MED12L: variants seen among roughly 807,000 people sequenced by gnomAD.
MED12L encodes the protein mediator of RNA polymerase II transcription subunit 12-like protein.
A neutral mutation model predicts 281.3 loss-of-function variants in MED12L; 60 were observed. The ratio of observed to expected loss-of-function variants is 0.21; its 90% CI spans 0.17 to 0.26. The LOEUF (loss-of-function observed/expected upper bound fraction) is 0.26. Ranked by LOEUF, MED12L falls within the 10% of genes least tolerant of loss-of-function variation. MED12L has a pLI of 1.00. For synonymous variants in MED12L, 974 were observed against 987.2 expected (o/e 0.99, Z 0.25); for missense variants, 2,146 against 2,680.9 (o/e 0.80, Z 4.41).
At chr3:151,312,817 C>A (rs907264750) in intron 16 of MED12L, among the ~76,000 whole-genome samples, 8 of 152,162 alleles carry the variant, frequency 5.3e-5, no homozygotes, top group Non-Finnish European at 1.2e-4. Flanking sequence ...GCAGGTTACC[C>A]AACCCCTCTG....
intron 16 of MED12L, chr3:151,213,503 T>A (rs371105315): frequency 1.2e-6 from 2 of 1,614,166 alleles, no homozygotes; most frequent in South Asian, 2.2e-5. Flanking sequence ...TACCGCAAGA[T>A]TTCTTTTGAC....
At position 151,195,662 on chromosome 3, in the gene MED12L, T is replaced by G. The variant is rs189106889; in HGVS notation, c.2250+1996T>G. ...TGAAGAATTTATAGATGAGCTATCA[T>G]GATGTCTGGGATTTGTTTTTAAAAT... is the stretch of plus-strand genomic sequence containing the variant. On this transcript the variant is annotated intron_variant, in intron 16 of 44. Transcript: ENST00000687756. Among the ~76,000 whole-genome samples the G allele has an allele frequency of 2.5e-3, 385 of 152,336 alleles. 1 individual carries two copies. The highest frequency in any genetic ancestry group is 3.8e-3 in the Non-Finnish European group (257 of 68,022).
intron 6 of MED12L, 27 bp downstream of exon 6, chr3:151,156,357 G>A (rs774662281): frequency 6.4e-7 from 1 of 1,566,132 alleles, no homozygotes; most frequent in Non-Finnish European, 8.7e-7. Context: ...ATGCAGAGTT[G>A]TGTGCAATGC....
rs1338907745 is a variant in MED12L, at chr3:151,192,530, C to G, written c.1969-20C>G. On this transcript the variant is annotated intron_variant, in intron 14 of 44. Transcript: ENST00000687756. Reference sequence around the variant, plus strand: ...ACTCCAAAACTTACAATGTTACTTTCTTTCTCTGGCGATTATCAGGAACAG... The same window carrying G: ...ACTCCAAAACTTACAATGTTACTTTGTTTCTCTGGCGATTATCAGGAACAG... 6.0e-6 allele frequency: 9 copies of G among 1,488,510 alleles called. No homozygotes were observed. Among genetic ancestry groups the G allele is most frequent in the Admixed American group, 3.9e-5 (2 of 50,864 alleles). 92.2% of individuals were successfully genotyped at this position (1,488,510 alleles called of 1,614,324 possible). A position where few individuals can be genotyped will look rare whatever the true frequency, so the allele number is the denominator to read the frequency against.
Position 151,156,219 on chromosome 3 carries a change from T to C in MED12L, c.615T>C (p.Phe205=), listed in dbSNP as rs1188002275. Reference sequence around the variant, plus strand: ...AGCAGTTGGCCAAGATTTCTGACTTTTACCACATGGCCTCCAGCACGGGCG... The same window carrying C: ...AGCAGTTGGCCAAGATTTCTGACTTCTACCACATGGCCTCCAGCACGGGCG... ...LREQLAKISD[F]YHMASSTGDG... Residue 205 remains phenylalanine, a synonymous_variant, in exon 6 of 45, where the codon TTT becomes TTC. Coordinates refer to ENST00000687756, the MANE Select transcript of MED12L (RefSeq NM_001393769.1). The C allele has an allele frequency of 1.9e-6, 3 of 1,613,496 alleles. No individual in the cohort carries two copies. The highest frequency in any genetic ancestry group is 1.1e-5 in the South Asian group (1 of 90,904).
chr3:151,185,426 C>A lies in MED12L; in HGVS notation c.1591C>A (p.Leu531Ile), dbSNP rs1242342506. The A allele has an allele frequency of 5.0e-6, 8 of 1,613,984 alleles. No homozygotes were observed. Among genetic ancestry groups the A allele is most frequent in the Non-Finnish European group, 6.8e-6 (8 of 1,179,974 alleles). ...GKHRAMAVAK[L>I]LEKRQAEIEA... ...GCACAGGGCCATGGCTGTGGCAAAA[C>A]TCCTGGAGAAGAGGCAAGCAGAAAT... is the stretch of plus-strand genomic sequence containing the variant. Residue 531 changes from leucine (L) to isoleucine (I), a missense_variant, in exon 12 of 45, where the codon CTC becomes ATC. Physicochemically the swap from Leu to Ile is conservative, Grantham distance 5 (BLOSUM62 2). Around this residue, in one of 9 missense-constraint regions of MED12L, gnomAD observed 722 missense variants for 861.2 expected, o/e 0.84. Transcript: ENST00000687756.
intron 16 of MED12L, among the ~76,000 whole-genome samples, chr3:151,280,939 A>C (rs1742700509): frequency 6.6e-6 from 1 of 152,060 alleles, no homozygotes; most frequent in Non-Finnish European, 1.5e-5. Context: ...TGGACTTTGA[A>C]GTAGTCTTTA....
chr3:151,325,643 A>G (rs1577335187), intron 16 of MED12L, among the ~76,000 whole-genome samples: 1 of 152,216 alleles, frequency 6.6e-6, no homozygotes, highest in African/African-American at 2.4e-5. Context: ...TCTACAGATC[A>G]GGCACTCTGC....
intron 16 of MED12L, among the ~76,000 whole-genome samples, chr3:151,330,163 T>C (rs932015360): frequency 6.6e-6 from 1 of 152,206 alleles, no homozygotes; most frequent in Non-Finnish European, 1.5e-5. Flanking sequence ...GAAAATAGTA[T>C]CTAACACACT....
intron 16 of MED12L, among the ~76,000 whole-genome samples, chr3:151,252,086 A>G (rs997369296): frequency 1.3e-5 from 2 of 152,028 alleles, no homozygotes; most frequent in Non-Finnish European, 2.9e-5. Context: ...ACCCTTTCCT[A>G]TGGGAGGTTA....
intron 2 of MED12L, among the ~76,000 whole-genome samples, chr3:151,092,321 A>G (rs1454113320): frequency 6.6e-6 from 1 of 152,190 alleles, no homozygotes; most frequent in Non-Finnish European, 1.5e-5. Flanking sequence ...TGTCACTGAA[A>G]TGCAATTATT....
At chr3:151,240,291 C>T (rs1025917219) in intron 16 of MED12L, among the ~76,000 whole-genome samples, 13 of 152,202 alleles carry the variant, frequency 8.5e-5, no homozygotes, top group Admixed American at 5.2e-4. Context: ...AGAGGTACTC[C>T]TTACCCTTTA....
At chr3:151,171,649 G>A (rs1362900997) in intron 11 of MED12L, among the ~76,000 whole-genome samples, 1 of 152,218 alleles carries the variant, frequency 6.6e-6, no homozygotes, top group Non-Finnish European at 1.5e-5. Flanking sequence ...AGAATTCTTT[G>A]AAAGGTTGTG....
intron 2 of MED12L, among the ~76,000 whole-genome samples, chr3:151,106,274 T>C (rs1463689978): frequency 3.3e-5 from 4 of 119,904 alleles, no homozygotes; most frequent in South Asian, 2.9e-4. Flanking sequence ...CCTTTCCCTT[T>C]CCCTTTCCTT....
At chr3:151,417,045 A>G (rs1164204341) in intron 43 of MED12L, among the ~76,000 whole-genome samples, 2 of 152,216 alleles carry the variant, frequency 1.3e-5, no homozygotes, top group African/African-American at 4.8e-5. Context: ...ATTTGCTTAA[A>G]TAAATGTAGT....
intron 16 of MED12L, among the ~76,000 whole-genome samples, chr3:151,239,146 T>C (rs1417803491): frequency 6.6e-6 from 1 of 152,240 alleles, no homozygotes; most frequent in Non-Finnish European, 1.5e-5. Context: ...GAAAAGTGTT[T>C]ATATTTACAA....
chr3:151,259,567 A>C (rs1738478317), intron 16 of MED12L, among the ~76,000 whole-genome samples: 1 of 152,234 alleles, frequency 6.6e-6, no homozygotes, highest in Admixed American at 6.5e-5. Context: ...GGATAATCAG[A>C]ATAAACTTTT....
At position 151,085,665 on chromosome 3, in the gene MED12L, T is replaced by C. The variant is rs566672234; in HGVS notation, c.-401T>C. ...CGCGGTCCGGCCGCCGAGCTGGGCATGCTCAGTGCGGACGCCGCGCCGCCG... is the reference window on the plus strand; with the variant it reads ...CGCGGTCCGGCCGCCGAGCTGGGCACGCTCAGTGCGGACGCCGCGCCGCCG... On this transcript the variant is annotated 5_prime_UTR_variant, in exon 1 of 45. The change abolishes an upstream ATG in the 5' untranslated region. Coordinates refer to ENST00000687756, the MANE Select transcript of MED12L (RefSeq NM_001393769.1). The C allele has an allele frequency of 6.6e-6, 1 of 151,992 alleles. No individual in the cohort carries two copies. The highest frequency in any genetic ancestry group is 2.0e-4 in the East Asian group (1 of 5,098). The allele number at this position is 151,992 out of a possible 1,614,324, so 9.4% of individuals were successfully genotyped here. A position where few individuals can be genotyped will look rare whatever the true frequency, so the allele number is the denominator to read the frequency against.
chr3:151,111,081 G>A (rs1271895877), intron 2 of MED12L, among the ~76,000 whole-genome samples: 1 of 152,242 alleles, frequency 6.6e-6, no homozygotes. Flanking sequence ...GGGACCAGCA[G>A]CTGTGCTTTA....
Sources: allele counts gnomAD v4.1 joint callset (sites outside exome capture counted in the v4.1 genomes callset), GRCh38; gene constraint gnomAD v4.1.1; regional missense constraint gnomAD v4.1.1; transcripts MANE v1.5; gene names NCBI Gene and HGNC (gene_info 2026-07-23, HGNC 2026-07-21).